The following RAPGEF1 variants were observed in gnomAD, a reference collection of about 807,000 sequenced individuals.
RAPGEF1 encodes Rap guanine nucleotide exchange factor 1.
Under a neutral mutation model 143.3 loss-of-function variants are expected in RAPGEF1, and 33 were observed. The observed-to-expected ratio is 0.23, with a 90% CI of 0.17 to 0.31. The LOEUF (loss-of-function observed/expected upper bound fraction) is 0.31. Ranked by LOEUF, RAPGEF1 falls within the 10% of genes least tolerant of loss-of-function variation. The pLI, the probability that RAPGEF1 is intolerant of heterozygous loss-of-function variation, is 1.00. For synonymous variants in RAPGEF1, 629 were observed against 676.5 expected (o/e 0.93, Z 1.09); for missense variants, 1,199 against 1,645.4 (o/e 0.73, Z 4.69).
chr9:131,633,718 G>C (rs935085603), intron 5 of RAPGEF1, among the ~76,000 whole-genome samples: 6 of 152,168 alleles, frequency 3.9e-5, no homozygotes, highest in African/African-American at 1.4e-4. Context: ...GACTATAAAA[G>C]GGGCGGGCTG....
At chr9:131,630,126 C>T (rs1964432002) in intron 6 of RAPGEF1, 110 bp downstream of exon 6, 2 of 927,574 alleles carry the variant, frequency 2.2e-6, no homozygotes, top group African/African-American at 1.6e-5. Context: ...GAATATGGGC[C>T]TCCAGCAGCC....
At chr9:131,618,991 CTTCCAAGGAACGGCCCTGTTCACGCGT>C in intron 12 of RAPGEF1, 33 bp downstream of exon 12, 1 of 1,294,586 alleles carries the variant, frequency 7.7e-7, no homozygotes, top group Non-Finnish European at 1.0e-6. Context: ...GAGGCACACG[CTTCCAAGGAACGGCCCTGTTCACGCGT>C]TTCCAAGTAA....
intron 1 of RAPGEF1, among the ~76,000 whole-genome samples, chr9:131,705,041 T>C (rs914924902): frequency 5.3e-5 from 8 of 152,178 alleles, no homozygotes; most frequent in South Asian, 2.1e-4. Flanking sequence ...CTATTTTCAT[T>C]CTCCAGTGTT....
rs775819263 is a variant in RAPGEF1 at position 131,624,646 on chromosome 9, C to T, written c.1702+1276G>A. ...GGAAAGGGGGTGAACCTGAATGGCA[C>T]GCAGCCCAAGATAACAGGGGTGGAG... On this transcript the variant is annotated intron_variant, in intron 10 of 26. Coordinates refer to ENST00000683357, the MANE Select transcript of RAPGEF1 (RefSeq NM_001377935.1). Among the ~76,000 whole-genome samples, 53 of 152,314 alleles carry T rather than the reference C, an allele frequency of 3.5e-4. 1 individual carries two copies. Among genetic ancestry groups the T allele is most frequent in the Admixed American group, 1.1e-3 (17 of 15,304 alleles).
chr9:131,735,935 A>C (rs1390224430), intron 1 of RAPGEF1, among the ~76,000 whole-genome samples: 1 of 152,198 alleles, frequency 6.6e-6, no homozygotes, highest in African/African-American at 2.4e-5. Context: ...GTGCGGATCC[A>C]ACCCAACATA....
chr9:131,644,110 G>A (rs1280958218), intron 3 of RAPGEF1, among the ~76,000 whole-genome samples: 1 of 152,186 alleles, frequency 6.6e-6, no homozygotes, highest in African/African-American at 2.4e-5. Flanking sequence ...AGCATTCATG[G>A]TCCCTCTGCT....
rs917934739 is a variant in RAPGEF1, at chr9:131,655,206, C to T, written c.62-4257G>A. 2.6e-5 allele frequency among the ~76,000 whole-genome samples: 4 copies of T among 152,230 alleles called. No individual in the cohort carries two copies. The highest frequency in any genetic ancestry group is 4.8e-5 in the African/African-American group (2 of 41,460). On this transcript the variant is annotated intron_variant, in intron 1 of 26. Transcript: ENST00000683357. The surrounding 1 kb of genome is among the most constrained non-coding windows in gnomAD (Gnocchi z 4.1). ...TTGCAAATTACCTAGGCACCCACTG[C>T]GCTCTGGACCAAAGAGAAAAGCCAG... is the stretch of plus-strand genomic sequence containing the variant.
intron 1 of RAPGEF1, among the ~76,000 whole-genome samples, chr9:131,711,053 T>TA (rs1835470580): frequency 7.1e-6 from 1 of 141,240 alleles, no homozygotes; most frequent in African/African-American, 2.6e-5. Flanking sequence ...AATATTTAAC[T>TA]TTTTTTTTTT....
intron 1 of RAPGEF1, among the ~76,000 whole-genome samples, chr9:131,671,729 G>A (rs748492386): frequency 6.6e-6 from 1 of 152,164 alleles, no homozygotes; most frequent in Non-Finnish European, 1.5e-5. Context: ...ATCTGGCTGT[G>A]GAAAGTGCAG....
chr9:131,635,934 C>A (rs985757593), intron 5 of RAPGEF1, among the ~76,000 whole-genome samples: 3 of 152,188 alleles, frequency 2.0e-5, no homozygotes, highest in Non-Finnish European at 4.4e-5. Flanking sequence ...TACTATTAGA[C>A]AATAACAACA....
chr9:131,635,966 C>T (rs1479602388), intron 5 of RAPGEF1, among the ~76,000 whole-genome samples: 2 of 152,186 alleles, frequency 1.3e-5, no homozygotes, highest in Non-Finnish European at 2.9e-5. Context: ...CACAGTGTCT[C>T]GATCACTCTC....
At chr9:131,679,931 C>T (rs949603938) in intron 1 of RAPGEF1, among the ~76,000 whole-genome samples, 1 of 152,260 alleles carries the variant, frequency 6.6e-6, no homozygotes, top group African/African-American at 2.4e-5. Context: ...TCACAGGCCA[C>T]ATCCAACTCC....
In RAPGEF1 at chr9:131,739,785, T is replaced by C; in HGVS notation, c.46A>G (p.Lys16Glu). The change falls in exon 1 of 27, where the codon AAG (lysine) becomes GAG (glutamate). Residue 16 changes from lysine to glutamate, a missense_variant. Transcript: ENST00000683357. The stretch of plus-strand genomic sequence containing the variant: ...CGCGCCTCACCTGCTTTCTCGATCT[T>C]GCCGGACATTTCCGGGCTGCGCCGG... ...GLRRSPEMSG[K>E]IEKADSQRSH... 1 of 1,168,030 alleles carries C rather than the reference T, an allele frequency of 8.6e-7. No individual in the cohort carries two copies. Among genetic ancestry groups the C allele is most frequent in the Non-Finnish European group, 1.1e-6 (1 of 928,916 alleles). The allele number at this position is 1,168,030 out of a possible 1,614,324, so 72.4% of individuals were successfully genotyped here.
At chr9:131,731,961 T>G (rs1333097960) in intron 1 of RAPGEF1, among the ~76,000 whole-genome samples, 1 of 152,128 alleles carries the variant, frequency 6.6e-6, no homozygotes, top group African/African-American at 2.4e-5. Flanking sequence ...TCTTTCAAAC[T>G]ACAGCCTGGG....
In RAPGEF1 at chr9:131,630,188, T is replaced by C. The variant is rs1433390574; in HGVS notation, c.740+48A>G. 2.5e-6 allele frequency: 4 copies of C among 1,585,862 alleles called. No homozygotes were observed. In the East Asian group the frequency reaches 9.0e-5, roughly 36 times the overall value. ...GCCCTATCCTTGTCAAGTGCAGACT[T>C]TGCCACTGAGCGTGACACCCGCGAC... On this transcript the variant is annotated intron_variant, in intron 6 of 26. Coordinates refer to ENST00000683357, the MANE Select transcript of RAPGEF1 (RefSeq NM_001377935.1).
chr9:131,684,483 T>A (rs532026276), intron 1 of RAPGEF1, among the ~76,000 whole-genome samples: 1 of 152,374 alleles, frequency 6.6e-6, no homozygotes, highest in East Asian at 1.9e-4. Context: ...CAAGCCATAG[T>A]GGAAAGAATG....
intron 12 of RAPGEF1, among the ~76,000 whole-genome samples, chr9:131,609,057 G>A (rs1344248401): frequency 6.6e-6 from 1 of 152,168 alleles, no homozygotes; most frequent in African/African-American, 2.4e-5. Flanking sequence ...TTTTAGAACG[G>A]GAAGGGCTGC....
At chr9:131,629,714 C>G (rs529689222) in intron 6 of RAPGEF1, among the ~76,000 whole-genome samples, 2 of 152,078 alleles carry the variant, frequency 1.3e-5, no homozygotes, top group South Asian at 4.2e-4. Flanking sequence ...TTGCTCTAAT[C>G]TGAGAGGAGG....
Position 131,584,536 on chromosome 9 carries a change from C to A in RAPGEF1, c.3294G>T (p.Lys1098Asn). The A allele has an allele frequency of 6.2e-7, 1 of 1,614,020 alleles. No homozygotes were observed. Among genetic ancestry groups the A allele is most frequent in the Non-Finnish European group, 8.5e-7 (1 of 1,179,888 alleles). ...KAQDRERLLL[K>N]FIKIMKHLRK... is the part of the protein sequence containing the mutation. ...CCATTACCTTCATGATCTTGATGAA[C>A]TTCAAGAGCAGCCGTTCCCTGTCCT... The change falls in exon 23 of 27, where the codon AAG becomes AAT. Residue 1098 changes from lysine (K) to asparagine (N), a missense_variant. Transcript: ENST00000683357. The surrounding 1 kb of genome is among the most constrained non-coding windows in gnomAD (Gnocchi z 6.8).
Sources: allele counts gnomAD v4.1 joint callset (sites outside exome capture counted in the v4.1 genomes callset), GRCh38; gene constraint gnomAD v4.1.1; non-coding constraint Gnocchi (gnomAD v3.1); transcripts MANE v1.5; gene names NCBI Gene and HGNC (gene_info 2026-07-23, HGNC 2026-07-21).